Variants in ADGRB3 observed in about 807,000 individuals in gnomAD.
The protein encoded by ADGRB3 is adhesion G protein-coupled receptor B3, also known as brain-specific angiogenesis inhibitor 3.
In ADGRB3, 37 loss-of-function variants were observed where a neutral mutation model predicts 193.4. The observed-to-expected ratio is 0.19, with a 90% confidence interval of 0.15 to 0.25. The LOEUF is 0.25. Ranked by LOEUF, ADGRB3 falls within the 10% of genes least tolerant of loss-of-function variation. The pLI, the probability that ADGRB3 is intolerant of heterozygous loss-of-function variation, is 1.00. For missense variants in ADGRB3, 1,637 were observed against 1,852.9 expected, an observed-to-expected ratio of 0.88 and a Z score of 2.14; for synonymous variants, 690 against 644.2, an observed-to-expected ratio of 1.07 and a Z score of -1.08.
At chr6:68,760,287 C>T (rs541501317) in intron 3 of ADGRB3, among the ~76,000 whole-genome samples, 1 of 152,224 alleles carries the variant, frequency 6.6e-6, no homozygotes, top group African/African-American at 2.4e-5. Context: ...AACTCAAGGA[C>T]ATTTCTCCCC....
intron 5 of ADGRB3, among the ~76,000 whole-genome samples, chr6:68,940,517 A>T (rs2150249887): frequency 7.1e-6 from 1 of 140,022 alleles, no homozygotes; most frequent in South Asian, 2.4e-4. Context: ...CTGTAGCAGA[A>T]GTTTCTGCAG....
intron 3 of ADGRB3, among the ~76,000 whole-genome samples, chr6:68,710,156 G>T (rs945779035): frequency 2.0e-5 from 3 of 152,200 alleles, no homozygotes; most frequent in Non-Finnish European, 4.4e-5. Flanking sequence ...AGGCTGGCAA[G>T]TGGGGAGGAT....
intron 8 of ADGRB3, among the ~76,000 whole-genome samples, chr6:68,967,088 G>A (rs1315493627): frequency 6.6e-6 from 1 of 152,146 alleles, no homozygotes; most frequent in Non-Finnish European, 1.5e-5. Context: ...GGACCAGTTT[G>A]CACCTGTGAA....
intron 17 of ADGRB3, among the ~76,000 whole-genome samples, chr6:69,202,855 G>A (rs567804852): frequency 1.3e-5 from 2 of 152,274 alleles, no homozygotes; most frequent in South Asian, 4.1e-4. Context: ...ACAGAAGCCT[G>A]AGGAGTTGCC....
chr6:69,336,714 T>TA (rs1428705775), intron 24 of ADGRB3, among the ~76,000 whole-genome samples: 3 of 152,104 alleles, frequency 2.0e-5, no homozygotes, highest in Non-Finnish European at 2.9e-5. Flanking sequence ...AGGTTTTTTT[T>TA]ACTGTTTGAA....
chr6:68,776,438 C>T (rs186958693), intron 3 of ADGRB3, among the ~76,000 whole-genome samples: 6 of 152,124 alleles, frequency 3.9e-5, no homozygotes, highest in Non-Finnish European at 8.8e-5. Flanking sequence ...TGGGGTATGA[C>T]CCCTCTGGTT....
intron 3 of ADGRB3, among the ~76,000 whole-genome samples, chr6:68,784,244 C>G (rs141598818): frequency 6.6e-6 from 1 of 152,138 alleles, no homozygotes; most frequent in African/African-American, 2.4e-5. Context: ...TGCCGTAAGT[C>G]TACTAAATGG....
intron 17 of ADGRB3, among the ~76,000 whole-genome samples, chr6:69,182,286 T>C (rs1367657206): frequency 2.0e-5 from 3 of 151,896 alleles, no homozygotes; most frequent in African/African-American, 7.3e-5. Flanking sequence ...ATCGTAGAGT[T>C]ACATAAACAA....
intron 20 of ADGRB3, among the ~76,000 whole-genome samples, chr6:69,298,332 A>T (rs942451322): frequency 1.3e-5 from 2 of 151,900 alleles, no homozygotes; most frequent in Non-Finnish European, 2.9e-5. Context: ...TATCTTCTTT[A>T]TTCTTTTTTT....
chr6:69,357,031 A>G (rs1050861812), intron 28 of ADGRB3, among the ~76,000 whole-genome samples: 2 of 152,066 alleles, frequency 1.3e-5, no homozygotes, highest in African/African-American at 4.8e-5. Context: ...TCTTAAAGCA[A>G]TTATCATTTA....
chr6:68,852,225 C>T, intron 3 of ADGRB3, among the ~76,000 whole-genome samples: 1 of 151,826 alleles, frequency 6.6e-6, no homozygotes, highest in East Asian at 1.9e-4. Flanking sequence ...ATCCATTTAT[C>T]TTAATGTAGC....
rs1769311050 is a variant in ADGRB3, at chr6:68,993,902, G to GAGA, written c.1871_1873dup (p.Arg624dup). ...ATCTTCTGATGTCTGTGGAGATCCT[G>GAGA]AGAAATGTGACAGACACATTTAAAA... On this transcript the variant is annotated inframe_insertion, in exon 11 of 32. Coordinates refer to ENST00000370598, the MANE Select transcript of ADGRB3 (RefSeq NM_001704.3). 1 of 1,613,794 alleles carries GAGA rather than the reference G, an allele frequency of 6.2e-7. No homozygotes were observed. The highest frequency in any genetic ancestry group is 8.5e-7 in the Non-Finnish European group (1 of 1,179,864).
At chr6:68,760,752 T>C (rs1766381960) in intron 3 of ADGRB3, among the ~76,000 whole-genome samples, 1 of 152,130 alleles carries the variant, frequency 6.6e-6, no homozygotes, top group Non-Finnish European at 1.5e-5. Flanking sequence ...ACATTTACCC[T>C]CAGCAAAACG....
At chr6:68,837,890 G>A (rs1485367418) in intron 3 of ADGRB3, among the ~76,000 whole-genome samples, 2 of 152,016 alleles carry the variant, frequency 1.3e-5, no homozygotes, top group African/African-American at 4.8e-5. Context: ...TTTATAGTAG[G>A]AACTACCAAA....
intron 18 of ADGRB3, among the ~76,000 whole-genome samples, chr6:69,234,810 C>T (rs543483876): frequency 6.6e-6 from 1 of 152,152 alleles, no homozygotes; most frequent in African/African-American, 2.4e-5. Context: ...ATTTAAAACT[C>T]TAATGACTTT....
chr6:68,963,672 C>T (rs576765238), intron 8 of ADGRB3, among the ~76,000 whole-genome samples: 1 of 152,258 alleles, frequency 6.6e-6, no homozygotes, highest in East Asian at 1.9e-4. Context: ...CTTGGGCTCC[C>T]CTAATGTCCC....
chr6:69,151,924 C>G (rs1293693429), intron 17 of ADGRB3, among the ~76,000 whole-genome samples: 1 of 152,118 alleles, frequency 6.6e-6, no homozygotes, highest in Non-Finnish European at 1.5e-5. Flanking sequence ...TGAGTTCTCA[C>G]GAGATCTGAT....
chr6:68,787,136 AC>A (rs1766992260), intron 3 of ADGRB3, among the ~76,000 whole-genome samples: 1 of 152,088 alleles, frequency 6.6e-6, no homozygotes, highest in Non-Finnish European at 1.5e-5. Context: ...CTAATTGAAT[AC>A]CCTTTATTTC....
intron 3 of ADGRB3, among the ~76,000 whole-genome samples, chr6:68,910,285 C>G (rs1402233956): frequency 6.6e-6 from 1 of 152,092 alleles, no homozygotes; most frequent in South Asian, 2.1e-4. Context: ...TGTTTGAGTT[C>G]ATTGTAGATT....
Sources: gnomAD v4.1 joint callset for allele counts (sites outside exome capture counted in the v4.1 genomes callset) on GRCh38, gnomAD v4.1.1 for gene constraint, MANE v1.5 for transcripts, NCBI Gene and HGNC (gene_info 2026-07-23, HGNC 2026-07-21) for gene names.